Variants in EIF2AK4 observed in about 807,000 individuals in gnomAD.
EIF2AK4 encodes eIF-2-alpha kinase GCN2.
EIF2AK4 carries 139 observed loss-of-function variants against 211.1 expected under a neutral mutation model. The ratio of observed to expected loss-of-function variants is 0.66; its 90% CI spans 0.57 to 0.76. The LOEUF (loss-of-function observed/expected upper bound fraction) is 0.76, where lower values mean the gene tolerates loss of function less well. Among genes scored for constraint, EIF2AK4 ranks in the 30% least tolerant of loss-of-function variants. The pLI is 0.00. For missense variants in EIF2AK4, 1,664 were observed against 2,043.8 expected, an observed-to-expected ratio of 0.81 and a Z score of 3.58; for synonymous variants, 710 against 751.3, an observed-to-expected ratio of 0.94 and a Z score of 0.90.
chr15:39,961,075 G>T (rs1324893703), intron 6 of EIF2AK4, among the ~76,000 whole-genome samples: 1 of 152,088 alleles, frequency 6.6e-6, no homozygotes, highest in African/African-American at 2.4e-5. Context: ...TTTGCATTAT[G>T]ATCTAGTTTC....
At chr15:39,946,227 C>T (rs962375337) in intron 3 of EIF2AK4, among the ~76,000 whole-genome samples, 4 of 152,176 alleles carry the variant, frequency 2.6e-5, no homozygotes, top group African/African-American at 9.7e-5. Context: ...GGAAAGGATT[C>T]ACCATTCCAG....
intron 20 of EIF2AK4, among the ~76,000 whole-genome samples, chr15:40,000,664 A>T (rs916728546): frequency 6.6e-6 from 1 of 152,178 alleles, no homozygotes; most frequent in African/African-American, 2.4e-5. Context: ...ATCTTTTTAC[A>T]TCTTTTTATA....
chr15:39,968,204 G>T (rs141482386), intron 9 of EIF2AK4, among the ~76,000 whole-genome samples: 33 of 152,316 alleles, frequency 2.2e-4, no homozygotes, highest in African/African-American at 6.7e-4. Flanking sequence ...ACTGACCTTT[G>T]CTCTGGTTCC....
Position 40,017,501 on chromosome 15 carries a change from C to CTTTATATATATATATA in EIF2AK4, c.4065+260_4065+261insTTATATATATATATAT, listed in dbSNP as rs1363648720. Among the ~76,000 whole-genome samples the CTTTATATATATATATA allele has an allele frequency of 3.1e-4, 8 of 26,126 alleles. 2 individuals are homozygous for CTTTATATATATATATA. Among genetic ancestry groups the CTTTATATATATATATA allele is most frequent in the African/African-American group, 9.4e-4 (6 of 6,358 alleles). 17.1% of individuals were successfully genotyped at this position (26,126 alleles called of 152,430 possible). A position where few individuals can be genotyped will look rare whatever the true frequency, so the allele number is the denominator to read the frequency against. On this transcript the variant is annotated intron_variant, in intron 29 of 38. Coordinates refer to ENST00000263791, the MANE Select transcript of EIF2AK4 (RefSeq NM_001013703.4). Reference sequence around the variant, plus strand: ...GGCTCATGTACCCTTTACTCTGTTTCTATATATATATATATATATATATAT... The same window carrying CTTTATATATATATATA: ...GGCTCATGTACCCTTTACTCTGTTTCTTTATATATATATATATATATATATATATATATATATATAT...
intron 27 of EIF2AK4, among the ~76,000 whole-genome samples, chr15:40,011,787 G>C (rs2035239051): frequency 6.6e-6 from 1 of 152,144 alleles, no homozygotes; most frequent in African/African-American, 2.4e-5. Context: ...CCTCAGAGTT[G>C]AATTAAAGCT....
At position 39,957,325 on chromosome 15, in the gene EIF2AK4, C is replaced by G. The variant is rs74011721; in HGVS notation, c.743+1557C>G. On this transcript the variant is annotated intron_variant, in intron 6 of 38. Coordinates refer to ENST00000263791, the MANE Select transcript of EIF2AK4 (RefSeq NM_001013703.4). ...GTGGCTCATGTGTGTGACCCCAACACTTTGGGATGCCAAGGCTGAAGGATC... is the reference window on the plus strand; with the variant it reads ...GTGGCTCATGTGTGTGACCCCAACAGTTTGGGATGCCAAGGCTGAAGGATC... Among the ~76,000 whole-genome samples, 1,082 of 152,206 alleles carry G rather than the reference C, an allele frequency of 7.1e-3. 13 individuals are homozygous for G. Among genetic ancestry groups the G allele is most frequent in the African/African-American group, 0.024 (990 of 41,530 alleles).
At chr15:40,006,042 C>T (rs1009251439) in intron 23 of EIF2AK4, among the ~76,000 whole-genome samples, 3 of 151,862 alleles carry the variant, frequency 2.0e-5, no homozygotes, top group African/African-American at 4.8e-5. Flanking sequence ...TCTGAATGAC[C>T]GTGCACATCA....
intron 26 of EIF2AK4, among the ~76,000 whole-genome samples, chr15:40,010,003 A>G (rs925680904): frequency 3.3e-5 from 5 of 152,264 alleles, no homozygotes; most frequent in African/African-American, 9.6e-5. Context: ...ATTTTAAAAG[A>G]TCAAATTATT....
At chr15:39,975,773 A>G (rs2034685316) in intron 11 of EIF2AK4, among the ~76,000 whole-genome samples, 1 of 152,234 alleles carries the variant, frequency 6.6e-6, no homozygotes, top group African/African-American at 2.4e-5. Flanking sequence ...GTTAATAGCA[A>G]TTGCTGTTAT....
At chr15:40,029,353 T>A (rs2035507764) in intron 33 of EIF2AK4, 53 bp from the exon 34 acceptor site, 1 of 1,603,550 alleles carries the variant, frequency 6.2e-7, no homozygotes, top group Non-Finnish European at 8.5e-7. Flanking sequence ...AAGTTATGTG[T>A]TGCTTGTGCC....
chr15:39,954,047 T>A, intron 5 of EIF2AK4, 63 bp downstream of exon 5: 2 of 1,285,286 alleles, frequency 1.6e-6, no homozygotes, highest in Non-Finnish European at 2.1e-6. Flanking sequence ...TTATTTCCAC[T>A]GATGACATCT....
At chr15:39,941,360 T>C (rs779825266) in intron 2 of EIF2AK4, among the ~76,000 whole-genome samples, 2 of 152,172 alleles carry the variant, frequency 1.3e-5, no homozygotes, top group African/African-American at 4.8e-5. Flanking sequence ...TCATGAGTAC[T>C]AACTCCGGTA....
At position 40,003,218 on chromosome 15, in the gene EIF2AK4, A is replaced by G. The variant is rs2035116507; in HGVS notation, c.3261A>G (p.Leu1087=). 6.2e-7 allele frequency: 1 copy of G among 1,614,144 alleles called. No individual in the cohort carries two copies. The highest frequency in any genetic ancestry group is 1.1e-5 in the South Asian group (1 of 91,080). ...GAGCTGTTCAGTTGTGTACTCCACT[A>G]CTGCTTCCCCGAAACAGACAAATAT... The part of the protein sequence containing the change: ...RHGAVQLCTP[L]LLPRNRQIYE... Residue 1087 remains leucine (L), a synonymous_variant, in exon 23 of 39, where the codon CTA becomes CTG. Transcript: ENST00000263791.
At chr15:39,961,223 C>T (rs1328770306) in intron 6 of EIF2AK4, among the ~76,000 whole-genome samples, 1 of 152,214 alleles carries the variant, frequency 6.6e-6, no homozygotes, top group East Asian at 1.9e-4. Flanking sequence ...AATGTGCACT[C>T]AATGGCTGGA....
chr15:39,993,720 G>A (rs1336865888), intron 18 of EIF2AK4, among the ~76,000 whole-genome samples: 1 of 152,248 alleles, frequency 6.6e-6, no homozygotes, highest in Non-Finnish European at 1.5e-5. Flanking sequence ...GGTTGGCCTG[G>A]ATAAGGAGTG....
intron 21 of EIF2AK4, 104 bp from the exon 22 acceptor site, chr15:40,002,609 C>G: frequency 8.2e-7 from 1 of 1,215,486 alleles, no homozygotes; most frequent in Non-Finnish European, 1.2e-6. Context: ...TTTTTTGAAC[C>G]TGGAAATAAG....
intron 24 of EIF2AK4, among the ~76,000 whole-genome samples, chr15:40,007,522 G>A (rs1262309379): frequency 1.3e-5 from 2 of 152,194 alleles, no homozygotes; most frequent in Non-Finnish European, 2.9e-5. Context: ...GCTGAGCGCT[G>A]AGGACCTCCA....
Position 40,020,879 on chromosome 15 carries a change from C to A in EIF2AK4, c.4174-20C>A. ...TGCAGTCTTGCTCCTCTAACTGTAA[C>A]CGGTCTGTTTCTGATCCAGGTTACA... On this transcript the variant is annotated intron_variant, in intron 30 of 38. Transcript: ENST00000263791. The A allele has an allele frequency of 6.2e-7, 1 of 1,600,178 alleles. No individual in the cohort carries two copies. Among genetic ancestry groups the A allele is most frequent in the Non-Finnish European group, 8.5e-7 (1 of 1,172,316 alleles).
chr15:40,017,558 T>TATG (rs1555422343), intron 29 of EIF2AK4, among the ~76,000 whole-genome samples: 1 of 128,006 alleles, frequency 7.8e-6, no homozygotes, highest in African/African-American at 3.1e-5. Flanking sequence ...TATATATGTA[T>TATG]TTTGGAGACA....
Sources: allele counts gnomAD v4.1 joint callset (sites outside exome capture counted in the v4.1 genomes callset), GRCh38; gene constraint gnomAD v4.1.1; transcripts MANE v1.5; gene names NCBI Gene and HGNC (gene_info 2026-07-23, HGNC 2026-07-21).